Variants in CREB5 observed in about 807,000 individuals in gnomAD.
CREB5 encodes the protein cyclic AMP-responsive element-binding protein 5.
CREB5 carries 19 observed loss-of-function variants against 57.1 expected under a neutral mutation model. The ratio of observed to expected loss-of-function variants is 0.33; its 90% confidence interval spans 0.23 to 0.49. The LOEUF (loss-of-function observed/expected upper bound fraction) is 0.49, where lower values mean the gene tolerates loss of function less well. Among genes scored for constraint, CREB5 ranks in the 20% least tolerant of loss-of-function variants. The probability of loss-of-function intolerance (pLI) is 0.99; values close to 1 mark genes in which losing one functional copy is unlikely to be tolerated. For missense variants in CREB5, 579 were observed against 671.6 expected (o/e 0.86, Z 1.52); for synonymous variants, 238 against 238.3 (o/e 1.00, Z 0.01).
intron 4 of CREB5, among the ~76,000 whole-genome samples, chr7:28,550,853 T>G (rs1490566736): frequency 1.3e-5 from 2 of 152,212 alleles, no homozygotes; most frequent in Non-Finnish European, 2.9e-5. Flanking sequence ...CAGGGGCCGT[T>G]AAGATTTTAT....
intron 5 of CREB5, among the ~76,000 whole-genome samples, chr7:28,618,230 T>C (rs1797667407): frequency 6.6e-6 from 1 of 152,060 alleles, no homozygotes; most frequent in African/African-American, 2.4e-5. Flanking sequence ...TCCATTTCTT[T>C]CTTAAAGACC....
intron 1 of CREB5, among the ~76,000 whole-genome samples, chr7:28,440,760 A>C (rs938697430): frequency 3.9e-5 from 6 of 152,180 alleles, no homozygotes; most frequent in African/African-American, 1.4e-4. Flanking sequence ...GTGTTTTATC[A>C]ACTGCACACA....
intron 5 of CREB5, among the ~76,000 whole-genome samples, chr7:28,591,996 C>G (rs955818999): frequency 2.0e-5 from 3 of 152,074 alleles, no homozygotes; most frequent in African/African-American, 7.2e-5. Flanking sequence ...AACCCATGGT[C>G]ATTGGTTCTG....
chr7:28,646,815 C>T (rs904716620), intron 5 of CREB5, among the ~76,000 whole-genome samples: 4 of 151,898 alleles, frequency 2.6e-5, no homozygotes, highest in African/African-American at 7.3e-5. Flanking sequence ...ATTGGGCTGC[C>T]ACCATTATTT....
intron 7 of CREB5, among the ~76,000 whole-genome samples, chr7:28,763,115 G>T (rs1454621904): frequency 6.6e-6 from 1 of 152,044 alleles, no homozygotes; most frequent in Admixed American, 6.6e-5. Flanking sequence ...CATCTTGAGG[G>T]TGATCAGATC....
intron 7 of CREB5, among the ~76,000 whole-genome samples, chr7:28,787,525 C>T (rs574455571): frequency 6.6e-6 from 1 of 152,326 alleles, no homozygotes; most frequent in East Asian, 1.9e-4. Flanking sequence ...CTCCACATCT[C>T]TTTCAGTTAT....
chr7:28,620,812 ACTG>A (rs1049365995), intron 5 of CREB5, among the ~76,000 whole-genome samples: 9 of 152,162 alleles, frequency 5.9e-5, no homozygotes, highest in Non-Finnish European at 8.8e-5. Flanking sequence ...TCCTAGAAAT[ACTG>A]TTACCAAAGA....
At chr7:28,817,055 A>G (rs1220252030) in intron 9 of CREB5, among the ~76,000 whole-genome samples, 1 of 152,202 alleles carries the variant, frequency 6.6e-6, no homozygotes, top group Non-Finnish European at 1.5e-5. Flanking sequence ...TTGTGAATTA[A>G]TATTAACAGA....
intron 3 of CREB5, among the ~76,000 whole-genome samples, chr7:28,497,460 T>A (rs2128600681): frequency 6.6e-6 from 1 of 152,308 alleles, no homozygotes; most frequent in African/African-American, 2.4e-5. Flanking sequence ...AATGAGAAAA[T>A]GAAGAGAAAA....
At chr7:28,326,788 A>T (rs1165357452) in intron 1 of CREB5, among the ~76,000 whole-genome samples, 3 of 152,148 alleles carry the variant, frequency 2.0e-5, no homozygotes, top group Non-Finnish European at 4.4e-5. Flanking sequence ...ATACCTTTGG[A>T]TGTCCATACA....
intron 1 of CREB5, among the ~76,000 whole-genome samples, chr7:28,462,887 T>C (rs527839887): frequency 1.3e-5 from 2 of 152,302 alleles, no homozygotes; most frequent in East Asian, 3.9e-4. Context: ...ACTTTCTTCA[T>C]GGTGTCCTTT....
chr7:28,767,270 T>C (rs1806057441), intron 7 of CREB5, among the ~76,000 whole-genome samples: 1 of 152,234 alleles, frequency 6.6e-6, no homozygotes, highest in Non-Finnish European at 1.5e-5. Flanking sequence ...ATTGTAATTA[T>C]GTGTACCAGA....
intron 1 of CREB5, among the ~76,000 whole-genome samples, chr7:28,372,400 G>A (rs1786726638): frequency 6.6e-6 from 1 of 152,200 alleles, no homozygotes; most frequent in Admixed American, 6.5e-5. Flanking sequence ...AGGAGACAAA[G>A]AGTCCAAAAT....
intron 1 of CREB5, among the ~76,000 whole-genome samples, chr7:28,462,226 A>G (rs62449865): frequency 0.056 from 8,494 of 152,288 alleles, 275 homozygotes; most frequent in Non-Finnish European, 0.072. Context: ...AGGTTCACCC[A>G]TGTTGTAGCA....
At chr7:28,554,786 T>G (rs994296483) in intron 4 of CREB5, among the ~76,000 whole-genome samples, 3 of 152,332 alleles carry the variant, frequency 2.0e-5, no homozygotes, top group Non-Finnish European at 4.4e-5. Flanking sequence ...ACCCTTTATT[T>G]GGCTAAGTGT....
Position 28,412,847 on chromosome 7 carries a change from G to T in CREB5, c.-68G>T. 5.7e-6 allele frequency: 8 copies of T among 1,405,350 alleles called. No individual in the cohort carries two copies. Among genetic ancestry groups the T allele is most frequent in the Non-Finnish European group, 7.5e-6 (8 of 1,060,416 alleles). 87.1% of individuals were successfully genotyped at this position (1,405,350 alleles called of 1,614,324 possible). A position where few individuals can be genotyped will look rare whatever the true frequency, so the allele number is the denominator to read the frequency against. On this transcript the variant is annotated 5_prime_UTR_variant, in exon 1 of 11. Coordinates refer to ENST00000357727, the MANE Select transcript of CREB5 (RefSeq NM_182898.4). ...CTGGTGAAACAGAAGTTACTAGAAA[G>T]AAAGGAAGAAAAAACTTGATTTGGT...
intron 5 of CREB5, among the ~76,000 whole-genome samples, chr7:28,667,725 A>G (rs1583509120): frequency 6.6e-6 from 1 of 152,188 alleles, no homozygotes; most frequent in East Asian, 1.9e-4. Context: ...CTATACAACC[A>G]TTTTTGAAGC....
At chr7:28,560,911 T>TGTGTGCGCGTGCGGGCGCGTGTGCGTGC (rs1554344471) in intron 4 of CREB5, among the ~76,000 whole-genome samples, 1 of 36,056 alleles carries the variant, frequency 2.8e-5, no homozygotes, top group African/African-American at 1.5e-4. Flanking sequence ...CGCGCGTGCG[T>TGTGTGCGCGTGCGGGCGCGTGTGCGTGC]GTGCGTGTGT....
intron 1 of CREB5, among the ~76,000 whole-genome samples, chr7:28,301,150 C>T (rs1785092508): frequency 6.6e-6 from 1 of 152,160 alleles, no homozygotes; most frequent in African/African-American, 2.4e-5. Context: ...GTTGCTCAAG[C>T]TTACTTTTTG....
Sources: gnomAD v4.1 joint callset for allele counts (sites outside exome capture counted in the v4.1 genomes callset) on GRCh38, gnomAD v4.1.1 for gene constraint, MANE v1.5 for transcripts, NCBI Gene and HGNC (gene_info 2026-07-23, HGNC 2026-07-21) for gene names.